The following ESRRG variants were observed in gnomAD, a reference collection of about 807,000 sequenced individuals.
The protein encoded by ESRRG is estrogen-related receptor gamma.
A neutral mutation model predicts 44.0 loss-of-function variants in ESRRG; 13 were observed. That is an observed-to-expected ratio of 0.30 (90% CI 0.19 to 0.47). The LOEUF is 0.47. Among genes scored for constraint, ESRRG ranks in the 20% least tolerant of loss-of-function variants. ESRRG has a pLI of 1.00. For missense variants in ESRRG, 395 were observed against 580.6 expected (o/e 0.68, Z 3.29); for synonymous variants, 215 against 214.6 (o/e 1.00, Z -0.02).
intron 1 of ESRRG, among the ~76,000 whole-genome samples, chr1:216,997,493 A>G (rs1192434020): frequency 6.6e-6 from 1 of 152,242 alleles, no homozygotes; most frequent in Admixed American, 6.5e-5. Flanking sequence ...TACATATTGC[A>G]GGAACATGGT....
At chr1:216,671,101 T>C (rs1051229042) in intron 2 of ESRRG, among the ~76,000 whole-genome samples, 1 of 152,174 alleles carries the variant, frequency 6.6e-6, no homozygotes, top group Admixed American at 6.5e-5. Context: ...TCCATAATGG[T>C]CACTCCCACA....
chr1:217,069,568 T>C (rs954581664), intron 1 of ESRRG, among the ~76,000 whole-genome samples: 1 of 152,154 alleles, frequency 6.6e-6, no homozygotes, highest in African/African-American at 2.4e-5. Context: ...TTCATCTTCC[T>C]CTTTCCACTC....
intron 1 of ESRRG, among the ~76,000 whole-genome samples, chr1:217,058,926 G>C (rs531611422): frequency 6.8e-6 from 1 of 146,070 alleles, no homozygotes; most frequent in East Asian, 2.0e-4. Flanking sequence ...TAAAATATAA[G>C]ATAATATAAA....
chr1:217,128,414 A>G (rs2092918497), intron 1 of ESRRG, among the ~76,000 whole-genome samples: 2 of 152,168 alleles, frequency 1.3e-5, no homozygotes, highest in Admixed American at 1.3e-4. Flanking sequence ...TCTCTCAGTA[A>G]CTTTACAAGC....
At chr1:217,040,262 A>C (rs1458173340) in intron 1 of ESRRG, among the ~76,000 whole-genome samples, 5 of 152,206 alleles carry the variant, frequency 3.3e-5, no homozygotes, top group Admixed American at 3.3e-4. Context: ...GGAAGAAAAA[A>C]GTCACTAGGC....
At chr1:216,971,445 G>A (rs2071639855) in intron 1 of ESRRG, among the ~76,000 whole-genome samples, 1 of 152,128 alleles carries the variant, frequency 6.6e-6, no homozygotes, top group Non-Finnish European at 1.5e-5. Context: ...TTGGGCACGG[G>A]CCATTCCAAA....
rs3040899 is a variant in ESRRG, at chr1:216,542,072, CAGAGAGAGAG to C, written c.862+22137_862+22146del. Among the ~76,000 whole-genome samples, 1,209 of 139,932 alleles carry C rather than the reference CAGAGAGAGAG, an allele frequency of 8.6e-3. 13 individuals carry two copies. The highest frequency in any genetic ancestry group is 0.022 in the Middle Eastern group (6 of 272). 91.8% of individuals were successfully genotyped at this position (139,932 alleles called of 152,430 possible). On this transcript the variant is annotated intron_variant, in intron 5 of 6. Transcript: ENST00000408911. ...GTGGGTATAAGGTGTGTGTCTATGACAGAGAGAGAGAGAGAGAGAGAGAGAGAGAGAGAGA... is the reference window on the plus strand; with the variant it reads ...GTGGGTATAAGGTGTGTGTCTATGACAGAGAGAGAGAGAGAGAGAGAGAGA...
chr1:216,620,423 C>A (rs1283431920), intron 3 of ESRRG, among the ~76,000 whole-genome samples: 1 of 152,156 alleles, frequency 6.6e-6, no homozygotes, highest in Non-Finnish European at 1.5e-5. Flanking sequence ...CTCAGAGAAT[C>A]CTATTTATCT....
chr1:216,725,497 AAAAT>A (rs2087329914), upstream of ESRRG, among the ~76,000 whole-genome samples: 1 of 152,180 alleles, frequency 6.6e-6, no homozygotes, highest in African/African-American at 2.4e-5. Flanking sequence ...TTACAATTAA[AAAAT>A]AAATAAAACA....
intron 1 of ESRRG, among the ~76,000 whole-genome samples, chr1:216,994,716 G>A (rs1363099279): frequency 1.3e-5 from 2 of 151,892 alleles, no homozygotes; most frequent in Non-Finnish European, 2.9e-5. Flanking sequence ...GGAGTAGCTG[G>A]GACTACAGGT....
chr1:216,886,822 C>T (rs2096524303), intron 2 of ESRRG, among the ~76,000 whole-genome samples: 1 of 152,150 alleles, frequency 6.6e-6, no homozygotes, highest in South Asian at 2.1e-4. Context: ...CTCCTGGGCT[C>T]AGGTGATCCT....
At chr1:216,903,771 A>T (rs1299444899) in intron 2 of ESRRG, among the ~76,000 whole-genome samples, 2 of 152,114 alleles carry the variant, frequency 1.3e-5, no homozygotes, top group Non-Finnish European at 2.9e-5. Flanking sequence ...CTGACATGCC[A>T]TCTATACCAA....
intron 1 of ESRRG, among the ~76,000 whole-genome samples, chr1:217,044,175 G>A (rs1485095850): frequency 6.6e-6 from 1 of 152,062 alleles, no homozygotes; most frequent in Non-Finnish European, 1.5e-5. Flanking sequence ...TCCTCCATAG[G>A]ATGTACAATA....
At position 216,959,991 on chromosome 1, in the gene ESRRG, C is replaced by T. The variant is rs532017739; in HGVS notation, c.-105-20318G>A. On this transcript the variant is annotated intron_variant, in intron 1 of 7. Coordinates refer to the ESRRG transcript ENST00000359162. ...ATTGAGGCTTAGGGTGTTTAAGTAA[C>T]TTGTTAAATTCATACAGCTGGTCGG... Among the ~76,000 whole-genome samples the T allele has an allele frequency of 8.5e-5, 13 of 152,214 alleles. No homozygotes were observed. In the South Asian group the frequency reaches 1.9e-3, roughly 22 times the overall value.
intron 2 of ESRRG, among the ~76,000 whole-genome samples, chr1:216,772,087 G>A (rs1269954635): frequency 1.3e-5 from 2 of 151,976 alleles, no homozygotes; most frequent in Non-Finnish European, 2.9e-5. Context: ...GATCCAGACA[G>A]GTACCCGACA....
chr1:216,613,985 C>T (rs764194026), intron 3 of ESRRG, among the ~76,000 whole-genome samples: 2 of 152,178 alleles, frequency 1.3e-5, no homozygotes, highest in Non-Finnish European at 2.9e-5. Flanking sequence ...TTGGTGTCTT[C>T]GTAGGGCCAC....
intron 1 of ESRRG, among the ~76,000 whole-genome samples, chr1:217,032,853 T>C (rs2082274605): frequency 6.6e-6 from 1 of 152,222 alleles, no homozygotes; most frequent in Admixed American, 6.5e-5. Context: ...TCATCAGGGA[T>C]GCTCTATTGT....
intron 3 of ESRRG, among the ~76,000 whole-genome samples, chr1:216,628,190 A>C (rs1211524449): frequency 6.6e-6 from 1 of 152,208 alleles, no homozygotes; most frequent in African/African-American, 2.4e-5. Flanking sequence ...TCCAGTGTAC[A>C]CTCAATGAAT....
intron 1 of ESRRG, among the ~76,000 whole-genome samples, chr1:217,123,999 T>C (rs147756098): frequency 5.2e-4 from 79 of 152,322 alleles, no homozygotes; most frequent in African/African-American, 1.9e-3. Flanking sequence ...TAATTCTTCA[T>C]GAGCAGATGA....
Sources: allele counts gnomAD v4.1 joint callset (sites outside exome capture counted in the v4.1 genomes callset), GRCh38; gene constraint gnomAD v4.1.1; transcripts MANE v1.5; gene names NCBI Gene and HGNC (gene_info 2026-07-23, HGNC 2026-07-21).